ARHGEF28: variants seen among roughly 807,000 people sequenced by gnomAD.
The protein encoded by ARHGEF28 is 190 kDa guanine nucleotide exchange factor.
ARHGEF28 carries 152 observed loss-of-function variants against 206.6 expected under a neutral mutation model. The observed-to-expected ratio is 0.74, with a 90% confidence interval of 0.64 to 0.84. The LOEUF (loss-of-function observed/expected upper bound fraction) is 0.84, where lower values mean the gene tolerates loss of function less well. ARHGEF28 is among the 40% of genes least tolerant of loss of function. The probability of loss-of-function intolerance (pLI) is 0.00; values close to 1 mark genes in which losing one functional copy is unlikely to be tolerated. For synonymous variants in ARHGEF28, 763 were observed against 776.4 expected (o/e 0.98, Z 0.29); for missense variants, 2,028 against 2,073.2 (o/e 0.98, Z 0.42).
At chr5:73,726,823 T>A (rs1342311749) in intron 2 of ARHGEF28, among the ~76,000 whole-genome samples, 1 of 152,204 alleles carries the variant, frequency 6.6e-6, no homozygotes, top group Non-Finnish European at 1.5e-5. Context: ...CCAACTGTAG[T>A]TTCCCTTCAG....
chr5:73,904,433 T>C (rs745344698), intron 33 of ARHGEF28, 28 bp downstream of exon 33: 5 of 1,579,322 alleles, frequency 3.2e-6, no homozygotes, highest in Non-Finnish European at 4.3e-6. Flanking sequence ...ATCTTTGACC[T>C]TGTGAATGGT....
At chr5:73,904,594 T>C (rs1378327762) in intron 33 of ARHGEF28, 189 bp downstream of exon 33, 2 of 588,086 alleles carry the variant, frequency 3.4e-6, no homozygotes, top group Non-Finnish European at 5.9e-6. Flanking sequence ...CATGACTACA[T>C]TTTATACCAT....
chr5:73,802,165 G>A (rs960285798), intron 9 of ARHGEF28, among the ~76,000 whole-genome samples: 6 of 152,150 alleles, frequency 3.9e-5, no homozygotes, highest in African/African-American at 1.4e-4. Flanking sequence ...ACTTTGGGGG[G>A]AAAAAGTGTT....
At chr5:73,828,499 T>C (rs1012017177) in intron 9 of ARHGEF28, among the ~76,000 whole-genome samples, 15 of 152,072 alleles carry the variant, frequency 9.9e-5, no homozygotes, top group Non-Finnish European at 7.4e-5. Flanking sequence ...CTTGCACACC[T>C]ATGTCCTTCA....
chr5:73,688,226 C>T (rs73116538), intron 2 of ARHGEF28, among the ~76,000 whole-genome samples: 3,215 of 152,110 alleles, frequency 0.021, 107 homozygotes, highest in African/African-American at 0.073. Flanking sequence ...AATTAGATTA[C>T]GTAAGTGGAA....
chr5:73,684,401 G>A (rs1190879256), intron 1 of ARHGEF28, among the ~76,000 whole-genome samples: 1 of 152,268 alleles, frequency 6.6e-6, no homozygotes, highest in Non-Finnish European at 1.5e-5. Context: ...ACATGTACTA[G>A]CCTTTTGTTT....
chr5:73,810,058 G>A (rs1249996486), intron 9 of ARHGEF28, among the ~76,000 whole-genome samples: 1 of 152,186 alleles, frequency 6.6e-6, no homozygotes, highest in African/African-American at 2.4e-5. Flanking sequence ...GAGGATAAAT[G>A]ATCCACATTC....
intron 2 of ARHGEF28, among the ~76,000 whole-genome samples, chr5:73,695,554 C>T (rs965410070): frequency 5.9e-5 from 9 of 152,118 alleles, no homozygotes; most frequent in African/African-American, 2.2e-4. Flanking sequence ...TAAAAGTTTT[C>T]CAAGTTTTCC....
At position 73,904,670 on chromosome 5, in the gene ARHGEF28, C is replaced by T. The variant is rs560648879; in HGVS notation, c.4161+265C>T. On this transcript the variant is annotated intron_variant, in intron 33 of 35. Coordinates refer to ENST00000513042, the MANE Select transcript of ARHGEF28 (RefSeq NM_001177693.2). ...TATTGATGAATATGATCTGGCTTGACATTTACAATGAAACTCTTAGGTGAG... is the reference window on the plus strand; with the variant it reads ...TATTGATGAATATGATCTGGCTTGATATTTACAATGAAACTCTTAGGTGAG... 4 of 457,202 alleles carry T rather than the reference C, an allele frequency of 8.7e-6. 1 individual carries two copies. The South Asian group carries it at 1.7e-4, about 20-fold the overall frequency. The allele number at this position is 457,202 out of a possible 1,614,324, so 28.3% of individuals were successfully genotyped here.
chr5:73,835,411 A>C (rs2112565820), intron 10 of ARHGEF28, among the ~76,000 whole-genome samples: 1 of 150,488 alleles, frequency 6.6e-6, no homozygotes, highest in Non-Finnish European at 1.5e-5. Context: ...CGGAGCTTGC[A>C]GTGAGCCGAG....
chr5:73,912,916 TTCCGAAAC>T (rs1762984332), intron 35 of ARHGEF28, among the ~76,000 whole-genome samples: 1 of 152,226 alleles, frequency 6.6e-6, no homozygotes, highest in Non-Finnish European at 1.5e-5. Context: ...TTTGGTATAA[TTCCGAAAC>T]TCAGTTTGAG....
intron 2 of ARHGEF28, among the ~76,000 whole-genome samples, chr5:73,692,488 A>G (rs1428382719): frequency 6.6e-6 from 1 of 152,046 alleles, no homozygotes; most frequent in African/African-American, 2.4e-5. Flanking sequence ...TTATGTTTAT[A>G]TTATTCTTTT....
Position 73,882,519 on chromosome 5 carries a change from C to A in ARHGEF28, c.2862C>A (p.Phe954Leu). 1 of 1,499,816 alleles carries A rather than the reference C, an allele frequency of 6.7e-7. No homozygotes were observed. Among genetic ancestry groups the A allele is most frequent in the Non-Finnish European group, 9.0e-7 (1 of 1,110,388 alleles). The allele number at this position is 1,499,816 out of a possible 1,614,324, so 92.9% of individuals were successfully genotyped here. Residue 954 changes from phenylalanine (F) to leucine (L), a missense_variant, in exon 23 of 36, where the codon TTC becomes TTA. Phe to Leu is a conservative substitution (Grantham distance 22). Coordinates refer to ENST00000513042, the MANE Select transcript of ARHGEF28 (RefSeq NM_001177693.2). ...ASKMKKIYGE[F>L]CCHHKEAVNL... ...AAATGAAGAAAATATATGGAGAATT[C>A]TGTTGCCATCATAAAGAAGCTGTTA...
chr5:73,653,250 C>T (rs979626880), intron 1 of ARHGEF28, among the ~76,000 whole-genome samples: 61 of 152,062 alleles, frequency 4.0e-4, no homozygotes, highest in Middle Eastern at 6.8e-3. Flanking sequence ...CTTTGCTCAG[C>T]GATGTGAGGG....
At chr5:73,927,237 C>G (rs866675999) in intron 35 of ARHGEF28, among the ~76,000 whole-genome samples, 5 of 152,016 alleles carry the variant, frequency 3.3e-5, no homozygotes, top group Non-Finnish European at 4.4e-5. Context: ...CTTAGCCAGG[C>G]ATGGCGGAGT....
At chr5:73,704,081 G>A (rs1194603050) in intron 2 of ARHGEF28, among the ~76,000 whole-genome samples, 1 of 151,926 alleles carries the variant, frequency 6.6e-6, no homozygotes, top group Non-Finnish European at 1.5e-5. Context: ...ATATGGGGAG[G>A]GAATGGGGAA....
At chr5:73,729,419 G>C (rs949697129) in intron 2 of ARHGEF28, among the ~76,000 whole-genome samples, 1 of 151,914 alleles carries the variant, frequency 6.6e-6, no homozygotes, top group Non-Finnish European at 1.5e-5. Context: ...GCTGCCTTAG[G>C]GGGAGCTGCA....
At chr5:73,815,134 C>T (rs1164937488) in intron 9 of ARHGEF28, among the ~76,000 whole-genome samples, 1 of 151,518 alleles carries the variant, frequency 6.6e-6, no homozygotes, top group Non-Finnish European at 1.5e-5. Context: ...TTGGTGGATA[C>T]AGTCGTATAT....
At chr5:73,903,495 T>C (rs1015511534) in intron 31 of ARHGEF28, 1 of 152,210 alleles carries the variant, frequency 6.6e-6, no homozygotes, top group East Asian at 1.9e-4. Context: ...TGTTCAATTA[T>C]GGAGGCTGCA....
Sources: allele counts gnomAD v4.1 joint callset (sites outside exome capture counted in the v4.1 genomes callset), GRCh38; gene constraint gnomAD v4.1.1; transcripts MANE v1.5; gene names NCBI Gene and HGNC (gene_info 2026-07-23, HGNC 2026-07-21).